SFI1: variants seen among roughly 807,000 people sequenced by gnomAD.
The protein encoded by SFI1 is SFI1 centrin binding protein, also known as protein SFI1 homolog.
A neutral mutation model predicts 207.5 loss-of-function variants in SFI1; 195 were observed. The observed-to-expected ratio is 0.94, with a 90% CI of 0.84 to 1.06. The LOEUF is 1.06. SFI1 is among the 50% of genes least tolerant of loss of function. The pLI is 0.00. For synonymous variants in SFI1, 630 were observed against 598.9 expected (o/e 1.05, Z -0.76); for missense variants, 1,634 against 1,588.0 (o/e 1.03, Z -0.49).
chr22:31,591,260 G>A (rs1434903816), intron 15 of SFI1, among the ~76,000 whole-genome samples: 1 of 152,162 alleles, frequency 6.6e-6, no homozygotes, highest in African/African-American at 2.4e-5. Context: ...CACAGCACAT[G>A]TTTCAGAGAG....
In SFI1 at chr22:31,616,883, T is replaced by G; in HGVS notation, c.3433+6T>G. ...GCCTGGACTTTCAACTGCAGGTGTGTACCTGGGGCCTGTCAGGGCAGAAAG... is the reference window on the plus strand; with the variant it reads ...GCCTGGACTTTCAACTGCAGGTGTGGACCTGGGGCCTGTCAGGGCAGAAAG... On this transcript the variant is annotated splice_donor_region_variant and intron_variant, in intron 30 of 32. Coordinates refer to ENST00000400288, the MANE Select transcript of SFI1 (RefSeq NM_001007467.3). 1 of 1,609,762 alleles carries G rather than the reference T, an allele frequency of 6.2e-7. No individual in the cohort carries two copies. The highest frequency in any genetic ancestry group is 1.7e-4 in the Middle Eastern group (1 of 6,042).
intron 12 of SFI1, among the ~76,000 whole-genome samples, chr22:31,580,870 C>T (rs542797147): frequency 1.3e-5 from 2 of 152,020 alleles, no homozygotes; most frequent in Admixed American, 6.6e-5. Context: ...CTTTGGTAAT[C>T]CATACCTGCT....
intron 4 of SFI1, among the ~76,000 whole-genome samples, chr22:31,544,170 T>C (rs762853035): frequency 6.6e-5 from 10 of 152,140 alleles, no homozygotes; most frequent in Non-Finnish European, 1.3e-4. Flanking sequence ...GCTTGGGTGA[T>C]ATAGCAAGAC....
chr22:31,607,401 G>A (rs993060626), intron 21 of SFI1, among the ~76,000 whole-genome samples: 5 of 151,944 alleles, frequency 3.3e-5, no homozygotes, highest in African/African-American at 7.3e-5. Context: ...TCAGGAGTTC[G>A]AGACCAACCT....
rs1436460485 is a variant in SFI1, at chr22:31,616,688, C to T, written c.3301-57C>T. 2.7e-6 allele frequency: 4 copies of T among 1,502,688 alleles called. No homozygotes were observed. The East Asian group carries it at 9.3e-5, about 35-fold the overall frequency. 93.1% of individuals were successfully genotyped at this position (1,502,688 alleles called of 1,614,324 possible). ...GGCAGTGACAAGGACTTGGTGTCCCCCTCCCTGGCTTCCTCCTAGCTTCCT... is the reference window on the plus strand; with the variant it reads ...GGCAGTGACAAGGACTTGGTGTCCCTCTCCCTGGCTTCCTCCTAGCTTCCT... On this transcript the variant is annotated intron_variant, in intron 29 of 32. Coordinates refer to ENST00000400288, the MANE Select transcript of SFI1 (RefSeq NM_001007467.3).
chr22:31,562,534 C>G (rs1038209569), intron 8 of SFI1, among the ~76,000 whole-genome samples: 1 of 151,766 alleles, frequency 6.6e-6, no homozygotes, highest in Non-Finnish European at 1.5e-5. Context: ...TTTTCATAAA[C>G]CTTTTTTAAA....
chr22:31,557,098 A>G, intron 7 of SFI1, 39 bp downstream of exon 7: 1 of 1,257,180 alleles, frequency 8.0e-7, no homozygotes, highest in Non-Finnish European at 1.1e-6. Context: ...ACCAGCCATC[A>G]TTTTACCTCA....
intron 3 of SFI1, among the ~76,000 whole-genome samples, chr22:31,529,533 A>G (rs191208563): frequency 5.6e-4 from 86 of 152,322 alleles, no homozygotes; most frequent in African/African-American, 2.0e-3. Flanking sequence ...CAGAACAACA[A>G]CAACAGATTT....
chr22:31,530,397 G>A (rs997764981), intron 3 of SFI1, among the ~76,000 whole-genome samples: 11 of 146,734 alleles, frequency 7.5e-5, no homozygotes, highest in South Asian at 2.2e-4. Flanking sequence ...GGCTGAGGCA[G>A]GAGAATGGTG....
chr22:31,525,587 T>G (rs904393237), intron 2 of SFI1, among the ~76,000 whole-genome samples: 1 of 152,084 alleles, frequency 6.6e-6, no homozygotes, highest in East Asian at 1.9e-4. Context: ...GGTGGTAGCA[T>G]GTACTTGTAG....
chr22:31,604,362 C>A lies in SFI1; in HGVS notation c.1935C>A (p.His645Gln), dbSNP rs928480389. ...AGAAGCTGATGCGAGCAGACCTGCA[C>A]CACCAGCACAGCGTGCTGCACAGGG... Reference protein sequence around the residue: ...ERQKLMRADLHHQHSVLHRAL... With the variant: ...ERQKLMRADLQHQHSVLHRAL... Residue 645 changes from histidine to glutamine, a missense_variant, in exon 19 of 33, where the codon CAC becomes CAA. By Grantham distance (24) the His-to-Gln change is conservative. Coordinates refer to ENST00000400288, the MANE Select transcript of SFI1 (RefSeq NM_001007467.3). 3 of 1,577,506 alleles carry A rather than the reference C, an allele frequency of 1.9e-6. No individual in the cohort carries two copies. Among genetic ancestry groups the A allele is most frequent in the Non-Finnish European group, 2.6e-6 (3 of 1,163,946 alleles).
chr22:31,506,065 T>C (rs903037639), intron 1 of SFI1, among the ~76,000 whole-genome samples: 2 of 151,244 alleles, frequency 1.3e-5, no homozygotes, highest in Non-Finnish European at 3.0e-5. Flanking sequence ...TTTTTTTTTT[T>C]CTGAGACAGA....
intron 15 of SFI1, among the ~76,000 whole-genome samples, chr22:31,589,882 C>CATGAAGAG (rs1224748046): frequency 6.6e-6 from 1 of 151,590 alleles, no homozygotes; most frequent in Admixed American, 6.6e-5. Flanking sequence ...TTAACATATA[C>CATGAAGAG]ATGAAGAGAC....
intron 6 of SFI1, among the ~76,000 whole-genome samples, chr22:31,553,857 T>TG (rs1306084001): frequency 8.1e-6 from 1 of 123,598 alleles, no homozygotes. Flanking sequence ...TTTTTTTTTT[T>TG]TTTTTTTTTT....
intron 6 of SFI1, chr22:31,550,572 C>T (rs2060530583): frequency 2.2e-6 from 1 of 448,170 alleles, no homozygotes; most frequent in Non-Finnish European, 4.0e-6. Flanking sequence ...CCTTAAAACT[C>T]ATTTAATCAG....
At chr22:31,519,366 G>T (rs2056928617) in intron 2 of SFI1, among the ~76,000 whole-genome samples, 1 of 151,098 alleles carries the variant, frequency 6.6e-6, no homozygotes, top group Non-Finnish European at 1.5e-5. Context: ...GAACTCCTGG[G>T]TTCAAGTGAT....
rs1471022356 is a variant in SFI1 at position 31,607,708 on chromosome 22, C to A, written c.2158-229C>A. The A allele has an allele frequency of 8.5e-6, 3 of 354,804 alleles. No individual in the cohort carries two copies. In the East Asian group the frequency reaches 1.4e-4, roughly 17 times the overall value. 22.0% of individuals were successfully genotyped at this position (354,804 alleles called of 1,614,324 possible). A position where few individuals can be genotyped will look rare whatever the true frequency, so the allele number is the denominator to read the frequency against. On this transcript the variant is annotated intron_variant, in intron 21 of 32. Transcript: ENST00000400288. ...TATGGCATGGTATGATATGTAAATC[C>A]TGGTAGAAGAGTCCCAGCAGCTGAA... is the stretch of plus-strand genomic sequence containing the variant.
intron 2 of SFI1, among the ~76,000 whole-genome samples, chr22:31,522,340 GA>G: frequency 6.6e-6 from 1 of 152,158 alleles, no homozygotes. Context: ...TTACATGCGT[GA>G]GCCACCACGC....
chr22:31,582,391 A>G (rs187101902), intron 12 of SFI1, among the ~76,000 whole-genome samples: 291 of 149,984 alleles, frequency 1.9e-3, no homozygotes, highest in Middle Eastern at 0.014. Context: ...AGCTGGGACT[A>G]CAGACGCACA....
Sources: gnomAD v4.1 joint callset for allele counts (sites outside exome capture counted in the v4.1 genomes callset) on GRCh38, gnomAD v4.1.1 for gene constraint, MANE v1.5 for transcripts, NCBI Gene and HGNC (gene_info 2026-07-23, HGNC 2026-07-21) for gene names.